Variants in TRAF3 observed in about 807,000 individuals in gnomAD.
The protein encoded by TRAF3 is TNF receptor associated factor 3.
In TRAF3, 13 loss-of-function variants were observed where a neutral mutation model predicts 62.3. The observed-to-expected ratio is 0.21, with a 90% confidence interval of 0.14 to 0.33. The LOEUF (loss-of-function observed/expected upper bound fraction) is 0.33, where lower values mean the gene tolerates loss of function less well. TRAF3 is among the 10% of genes least tolerant of loss of function. The pLI, the probability that TRAF3 is intolerant of heterozygous loss-of-function variation, is 1.00. For synonymous variants in TRAF3, 269 were observed against 283.4 expected, an observed-to-expected ratio of 0.95 and a Z score of 0.51; for missense variants, 440 against 741.8, an observed-to-expected ratio of 0.59 and a Z score of 4.73.
chr14:102,784,199 TG>T (rs1897381761), intron 1 of TRAF3, among the ~76,000 whole-genome samples: 1 of 148,354 alleles, frequency 6.7e-6, no homozygotes. Flanking sequence ...CGTTTGCTCC[TG>T]GGAAGATGCT....
chr14:102,882,727 G>A (rs1340999764), intron 6 of TRAF3, among the ~76,000 whole-genome samples: 1 of 152,186 alleles, frequency 6.6e-6, no homozygotes, highest in African/African-American at 2.4e-5. Flanking sequence ...ACAACATCAA[G>A]TGTTGATAAA....
At chr14:102,891,552 G>A in intron 9 of TRAF3, 135 bp downstream of exon 9, 1 of 983,814 alleles carries the variant, frequency 1.0e-6, no homozygotes, top group South Asian at 1.4e-5. Flanking sequence ...AAAACTCTGT[G>A]TGATCTTGAG....
chr14:102,896,703 G>A (rs960161686), intron 9 of TRAF3, among the ~76,000 whole-genome samples: 2 of 152,114 alleles, frequency 1.3e-5, no homozygotes, highest in Admixed American at 1.3e-4. Flanking sequence ...TCAATCAGCC[G>A]CTGCACTTTG....
intron 9 of TRAF3, among the ~76,000 whole-genome samples, chr14:102,893,065 CA>C (rs1889811735): frequency 1.3e-5 from 2 of 151,988 alleles, no homozygotes; most frequent in African/African-American, 4.8e-5. Flanking sequence ...CTGTGTTTCT[CA>C]TTTAGAAGGT....
chr14:102,876,460 G>A lies in TRAF3; in HGVS notation c.505G>A (p.Ala169Thr), dbSNP rs1282276876. ...AGACCTGCGAGACCACGTGGAGAAGGCGTGTAAATACCGGGAAGCCACATG... is the reference window on the plus strand; with the variant it reads ...AGACCTGCGAGACCACGTGGAGAAGACGTGTAAATACCGGGAAGCCACATG... Reference protein sequence around the residue: ...RKDLRDHVEKACKYREATCSH... With the variant: ...RKDLRDHVEKTCKYREATCSH... Residue 169 changes from alanine to threonine, a missense_variant, in exon 6 of 12, where the codon GCG becomes ACG. Physicochemically the swap from Ala to Thr is moderately conservative, Grantham distance 58 (BLOSUM62 0). This residue lies in a region of TRAF3 where 255 missense variants were observed against 424.1 expected (regional missense o/e 0.60). Transcript: ENST00000392745. The A allele has an allele frequency of 1.2e-6, 2 of 1,614,132 alleles. No individual in the cohort carries two copies. The highest frequency in any genetic ancestry group is 1.7e-6 in the Non-Finnish European group (2 of 1,180,052).
chr14:102,901,794 C>T (rs1890317185), intron 10 of TRAF3, among the ~76,000 whole-genome samples: 2 of 152,214 alleles, frequency 1.3e-5, no homozygotes. Context: ...TAATAACAGC[C>T]AGCAAAGGTG....
At chr14:102,779,840 A>G (rs989295467) in intron 1 of TRAF3, among the ~76,000 whole-genome samples, 4 of 152,230 alleles carry the variant, frequency 2.6e-5, no homozygotes, top group Admixed American at 6.5e-5. Context: ...TCCAAACAGC[A>G]AGTGATCTAA....
At chr14:102,778,055 G>A (rs1443988396) in intron 1 of TRAF3, among the ~76,000 whole-genome samples, 3 of 150,460 alleles carry the variant, frequency 2.0e-5, no homozygotes, top group Non-Finnish European at 4.5e-5. Context: ...GGTTTCACGC[G>A]GGGGGACGGG....
chr14:102,780,216 G>A (rs1474256675), intron 1 of TRAF3, among the ~76,000 whole-genome samples: 3 of 152,120 alleles, frequency 2.0e-5, no homozygotes, highest in Non-Finnish European at 2.9e-5. Flanking sequence ...AGGCCCAGAC[G>A]CCCGGGAGAG....
At chr14:102,808,197 G>T (rs924710766) in intron 1 of TRAF3, among the ~76,000 whole-genome samples, 2 of 152,082 alleles carry the variant, frequency 1.3e-5, no homozygotes, top group Non-Finnish European at 2.9e-5. Context: ...CCTAAGTTTC[G>T]CAATGGAGAT....
chr14:102,876,263 T>C (rs1888640917), intron 5 of TRAF3, 95 bp from the exon 6 acceptor site: 2 of 1,405,176 alleles, frequency 1.4e-6, no homozygotes, highest in East Asian at 2.4e-5. Context: ...ATGAGAAACA[T>C]TTCTTTAGGG....
chr14:102,859,032 G>T (rs1343052788), intron 2 of TRAF3, among the ~76,000 whole-genome samples: 1 of 152,070 alleles, frequency 6.6e-6, no homozygotes, highest in African/African-American at 2.4e-5. Context: ...TTATTCCAGT[G>T]TTCAATTTAC....
rs1887453934 is a variant in TRAF3 at position 102,857,723 on chromosome 14, C to G, written c.-17-12462C>G. 2.0e-5 allele frequency among the ~76,000 whole-genome samples: 3 copies of G among 152,202 alleles called. No homozygotes were observed. The South Asian group carries it at 6.2e-4, about 31-fold the overall frequency. Reference sequence around the variant, plus strand: ...TTTTCCCAAGGAACTTTTATTGGCTCCATAAGTCAAGTTTGAGTCCTTAAA... The same window carrying G: ...TTTTCCCAAGGAACTTTTATTGGCTGCATAAGTCAAGTTTGAGTCCTTAAA... On this transcript the variant is annotated intron_variant, in intron 2 of 11. Transcript: ENST00000392745.
At chr14:102,873,191 TGGTAGTCAGTGTCCCTGGGCTGCCAG>T (rs1425771259) in intron 4 of TRAF3, among the ~76,000 whole-genome samples, 1 of 152,218 alleles carries the variant, frequency 6.6e-6, no homozygotes, top group Non-Finnish European at 1.5e-5. Context: ...TGAGGATTGC[TGGTAGTCAGTGTCCCTGGGCTGCCAG>T]GCACACAGGC....
At chr14:102,848,785 T>C (rs1321102429) in intron 2 of TRAF3, among the ~76,000 whole-genome samples, 2 of 152,212 alleles carry the variant, frequency 1.3e-5, no homozygotes, top group African/African-American at 4.8e-5. Context: ...AGAAGTTCCC[T>C]CATTCTGGCC....
At chr14:102,877,243 A>G (rs550005724) in intron 6 of TRAF3, among the ~76,000 whole-genome samples, 1 of 129,680 alleles carries the variant, frequency 7.7e-6, no homozygotes, top group African/African-American at 3.1e-5. Context: ...CCCCCAACTC[A>G]TAGATAATCC....
chr14:102,800,745 A>G (rs12164881), intron 1 of TRAF3, among the ~76,000 whole-genome samples: 8,572 of 134,642 alleles, frequency 0.064, 829 homozygotes, highest in African/African-American at 0.23. Context: ...TGCCCAGGCT[A>G]GAATCAGTGG....
At chr14:102,894,670 A>G (rs2049774020) in intron 9 of TRAF3, among the ~76,000 whole-genome samples, 1 of 152,228 alleles carries the variant, frequency 6.6e-6, no homozygotes, top group African/African-American at 2.4e-5. Context: ...CCTAAAGTGA[A>G]AGAAGTTGAG....
chr14:102,792,096 G>A (rs1897826094), intron 1 of TRAF3, among the ~76,000 whole-genome samples: 1 of 146,490 alleles, frequency 6.8e-6, no homozygotes, highest in South Asian at 2.1e-4. Context: ...TTACAGGTGC[G>A]AGCCACTGTG....
Sources: allele counts gnomAD v4.1 joint callset (sites outside exome capture counted in the v4.1 genomes callset), GRCh38; gene constraint gnomAD v4.1.1; regional missense constraint gnomAD v4.1.1; transcripts MANE v1.5; gene names NCBI Gene and HGNC (gene_info 2026-07-23, HGNC 2026-07-21).